Variants in DRC3 observed in about 807,000 individuals in gnomAD.
DRC3 encodes dynein regulatory complex subunit 3.
DRC3 carries 45 observed loss-of-function variants against 57.6 expected under a neutral mutation model. That is an observed-to-expected ratio of 0.78 (90% CI 0.62 to 1.00). The LOEUF (loss-of-function observed/expected upper bound fraction) is 1.00, where lower values mean the gene tolerates loss of function less well. Ranked by LOEUF, DRC3 falls within the 50% of genes least tolerant of loss-of-function variation. The pLI, the probability that DRC3 is intolerant of heterozygous loss-of-function variation, is 0.00. For missense variants in DRC3, 655 were observed against 675.2 expected (o/e 0.97, Z 0.33); for synonymous variants, 257 against 272.3 (o/e 0.94, Z 0.55).
chr17:18,003,146 T>A (rs960577969), intron 9 of DRC3, among the ~76,000 whole-genome samples: 2 of 152,020 alleles, frequency 1.3e-5, no homozygotes, highest in East Asian at 3.9e-4. Context: ...CAAGGTTTGT[T>A]CACACAGATT....
chr17:17,991,531 C>T (rs2043230615), intron 5 of DRC3, among the ~76,000 whole-genome samples: 1 of 151,694 alleles, frequency 6.6e-6, no homozygotes. Context: ...CTCCTGACCT[C>T]AAGATCCACC....
intron 11 of DRC3, 153 bp from the exon 12 acceptor site, chr17:18,006,871 G>C (rs1204979231): frequency 1.6e-6 from 2 of 1,225,056 alleles, no homozygotes; most frequent in East Asian, 2.7e-5. Context: ...AGTCGAGGAA[G>C]GCCCAGGGTT....
At chr17:17,982,508 C>T (rs1334313889) in intron 3 of DRC3, among the ~76,000 whole-genome samples, 2 of 151,936 alleles carry the variant, frequency 1.3e-5, no homozygotes, top group East Asian at 3.9e-4. Flanking sequence ...AGCCACCACG[C>T]CTGGCCCACA....
chr17:18,000,422 T>C (rs2043680271), intron 9 of DRC3, among the ~76,000 whole-genome samples: 1 of 152,176 alleles, frequency 6.6e-6, no homozygotes, highest in African/African-American at 2.4e-5. Context: ...TCCTATATTA[T>C]GCATCTTGGA....
chr17:17,994,221 A>G (rs2043355520), intron 6 of DRC3, 78 bp from the exon 7 acceptor site: 3 of 1,529,678 alleles, frequency 2.0e-6, no homozygotes, highest in African/African-American at 1.4e-5. Context: ...AGGCTGCAGC[A>G]TGGCAGAGGC....
At chr17:17,979,552 T>C (rs1470027617) in intron 3 of DRC3, among the ~76,000 whole-genome samples, 1 of 152,222 alleles carries the variant, frequency 6.6e-6, no homozygotes, top group Non-Finnish European at 1.5e-5. Context: ...AGTCCTGTCA[T>C]GCTGGTAACT....
At chr17:18,003,241 C>A (rs1279218449) in intron 9 of DRC3, among the ~76,000 whole-genome samples, 1 of 151,908 alleles carries the variant, frequency 6.6e-6, no homozygotes, top group Non-Finnish European at 1.5e-5. Context: ...TCTCAGCACT[C>A]TGGGAGGCCG....
chr17:18,015,324 C>T (rs1400866290), intron 12 of DRC3: 1 of 152,230 alleles, frequency 6.6e-6, no homozygotes, highest in Non-Finnish European at 1.5e-5. Context: ...CATTCAGGTG[C>T]TCTGCCTTAC....
intron 12 of DRC3, chr17:18,015,798 G>C: frequency 5.4e-6 from 2 of 372,182 alleles, no homozygotes; most frequent in Non-Finnish European, 1.0e-5. Flanking sequence ...CTTCACCCTG[G>C]AGGAAACATG....
intron 2 of DRC3, among the ~76,000 whole-genome samples, chr17:17,976,997 T>C (rs1368591366): frequency 1.3e-5 from 2 of 152,172 alleles, no homozygotes; most frequent in Non-Finnish European, 1.5e-5. Context: ...ATGGGCACTC[T>C]CATTCCACAG....
At chr17:18,006,080 G>A in intron 10 of DRC3, 103 bp from the exon 11 acceptor site, 2 of 777,584 alleles carry the variant, frequency 2.6e-6, no homozygotes, top group Non-Finnish European at 4.5e-6. Flanking sequence ...TTATGCTGAA[G>A]GTCTGTGATT....
chr17:17,994,998 G>A lies in DRC3; in HGVS notation c.712-1G>A. On this transcript the variant is annotated splice_acceptor_variant, in intron 7 of 13. Transcript: ENST00000399187. LOFTEE classifies it high-confidence loss of function. Reference sequence around the variant, plus strand: ...CTACCTACGTGTGTTTCTGCCTGCAGACTGCGTTTGTGGAACACCTGAATG... The same window carrying A: ...CTACCTACGTGTGTTTCTGCCTGCAAACTGCGTTTGTGGAACACCTGAATG... 1 of 1,613,466 alleles carries A rather than the reference G, an allele frequency of 6.2e-7. No homozygotes were observed. The highest frequency in any genetic ancestry group is 8.5e-7 in the Non-Finnish European group (1 of 1,179,438).
At position 18,008,991 on chromosome 17, in the gene DRC3, C is replaced by T. The variant is rs940025503; in HGVS notation, c.1326+1844C>T. On this transcript the variant is annotated intron_variant, in intron 12 of 13. Transcript: ENST00000399187. The surrounding 1 kb of genome is among the most constrained non-coding windows in gnomAD (Gnocchi z 4.3). Reference sequence around the variant, plus strand: ...AGCCCTCCCTCCAGCCCAGCTGGCTCTGCCTGGTGCCAGCTGACCACCATT... The same window carrying T: ...AGCCCTCCCTCCAGCCCAGCTGGCTTTGCCTGGTGCCAGCTGACCACCATT... 1.3e-5 allele frequency among the ~76,000 whole-genome samples: 2 copies of T among 152,098 alleles called. No homozygotes were observed. Among genetic ancestry groups the T allele is most frequent in the African/African-American group, 4.8e-5 (2 of 41,436 alleles).
At chr17:18,010,015 C>T (rs1326646210) in intron 12 of DRC3, among the ~76,000 whole-genome samples, 1 of 152,232 alleles carries the variant, frequency 6.6e-6, no homozygotes, top group Admixed American at 6.5e-5. Flanking sequence ...AGAGGTGCTG[C>T]CTGGCTGCTC....
chr17:18,005,381 C>T (rs2043909526), intron 10 of DRC3: 1 of 152,228 alleles, frequency 6.6e-6, no homozygotes, highest in African/African-American at 2.4e-5. Flanking sequence ...ACTCTGCAGA[C>T]AGTACTCACA....
At chr17:17,986,716 G>A (rs922107232) in intron 4 of DRC3, among the ~76,000 whole-genome samples, 6 of 151,852 alleles carry the variant, frequency 4.0e-5, no homozygotes, top group African/African-American at 1.2e-4. Flanking sequence ...CCCCCGCCTC[G>A]GCCTCCCAGA....
At chr17:18,000,690 C>T (rs547210742) in intron 9 of DRC3, among the ~76,000 whole-genome samples, 8 of 152,244 alleles carry the variant, frequency 5.3e-5, no homozygotes, top group African/African-American at 1.9e-4. Context: ...CCTTCCACAG[C>T]CGTCATCAGG....
At chr17:17,986,716 G>T (rs922107232) in intron 4 of DRC3, among the ~76,000 whole-genome samples, 1 of 151,852 alleles carries the variant, frequency 6.6e-6, no homozygotes, top group African/African-American at 2.4e-5. Context: ...CCCCCGCCTC[G>T]GCCTCCCAGA....
chr17:17,976,985 C>T (rs982619913), intron 2 of DRC3, among the ~76,000 whole-genome samples: 7 of 152,242 alleles, frequency 4.6e-5, no homozygotes, highest in Non-Finnish European at 7.3e-5. Context: ...CAGCCAGCTC[C>T]GATGGGCACT....
Sources: gnomAD v4.1 joint callset for allele counts (sites outside exome capture counted in the v4.1 genomes callset) on GRCh38, gnomAD v4.1.1 for gene constraint, Gnocchi (gnomAD v3.1) non-coding constraint, MANE v1.5 for transcripts, NCBI Gene and HGNC (gene_info 2026-07-23, HGNC 2026-07-21) for gene names.